SHQ1: variants seen among roughly 807,000 people sequenced by gnomAD.
SHQ1 encodes SHQ1, H/ACA ribonucleoprotein assembly factor, also known as protein SHQ1 homolog.
In SHQ1, 49 loss-of-function variants were observed where a neutral mutation model predicts 53.8. The observed-to-expected ratio is 0.91, with a 90% CI of 0.72 to 1.16. The LOEUF is 1.16. SHQ1 is among the 50% of genes most tolerant of loss of function. The pLI is 0.00. For missense variants in SHQ1, 738 were observed against 683.1 expected, an observed-to-expected ratio of 1.08 and a Z score of -0.90; for synonymous variants, 243 against 251.0, an observed-to-expected ratio of 0.97 and a Z score of 0.30.
At chr3:72,759,166 A>C (rs757827779) in intron 10 of SHQ1, among the ~76,000 whole-genome samples, 12 of 152,288 alleles carry the variant, frequency 7.9e-5, no homozygotes, top group Non-Finnish European at 1.5e-4. Flanking sequence ...CCTCATCTTA[A>C]CTAATTACAT....
At chr3:72,727,468 G>A in the SHQ1 span, among the ~76,000 whole-genome samples, 1 of 152,160 alleles carries the variant, frequency 6.6e-6, no homozygotes, top group African/African-American at 2.4e-5. Context: ...AAGACAAAGG[G>A]GAGGAAGAGA....
chr3:72,815,285 T>C, intron 8 of SHQ1, 65 bp downstream of exon 8: 2 of 1,346,874 alleles, frequency 1.5e-6, no homozygotes, highest in South Asian at 1.2e-5. Context: ...CCCCAAATGA[T>C]GTAAAAACAA....
intron 5 of SHQ1, among the ~76,000 whole-genome samples, chr3:72,828,955 A>C (rs528099932): frequency 1.3e-5 from 2 of 152,254 alleles, no homozygotes; most frequent in South Asian, 2.1e-4. Context: ...GATCTGAAGA[A>C]GTCCAGACTA....
intron 10 of SHQ1, among the ~76,000 whole-genome samples, chr3:72,755,040 G>C (rs1705470538): frequency 6.6e-6 from 1 of 152,044 alleles, no homozygotes; most frequent in African/African-American, 2.4e-5. Flanking sequence ...TAGAATCCTG[G>C]CTCTTCTCAG....
downstream of SHQ1, among the ~76,000 whole-genome samples, chr3:72,746,661 T>C (rs904617678): frequency 2.0e-5 from 3 of 152,158 alleles, no homozygotes; most frequent in African/African-American, 7.2e-5. Flanking sequence ...AAGGATCATG[T>C]TTGCTCATTC....
At chr3:72,800,103 CAT>C (rs1706739630) in intron 9 of SHQ1, among the ~76,000 whole-genome samples, 1 of 152,152 alleles carries the variant, frequency 6.6e-6, no homozygotes, top group Non-Finnish European at 1.5e-5. Context: ...GCTCTACCCT[CAT>C]GAATGTTAAC....
intron 1 of SHQ1, chr3:72,846,203 A>G (rs576265655): frequency 2.0e-5 from 31 of 1,535,286 alleles, no homozygotes; most frequent in African/African-American, 1.1e-4. Context: ...AGAGAAAATT[A>G]TATTTGCTTA....
chr3:72,750,428 C>A lies in SHQ1; in HGVS notation c.1590G>T (p.Trp530Cys). The change falls in exon 11 of 11, where the codon TGG (tryptophan) becomes TGT (cysteine). Residue 530 changes from tryptophan (W) to cysteine (C), a missense_variant. Coordinates refer to ENST00000325599, the MANE Select transcript of SHQ1 (RefSeq NM_018130.3). ...TCAGAGGCCCAGACACTCCAAGAGG[C>A]CAGGAAGAGGCAAGTGGCTTTCCCT... ...ASQGKPLASS[W>C]PLGVSGPLIE... The A allele has an allele frequency of 6.2e-7, 1 of 1,614,166 alleles. No homozygotes were observed. The highest frequency in any genetic ancestry group is 1.1e-5 in the South Asian group (1 of 91,084).
intron 10 of SHQ1, among the ~76,000 whole-genome samples, chr3:72,787,293 C>G (rs1353303281): frequency 6.6e-6 from 1 of 151,826 alleles, no homozygotes; most frequent in African/African-American, 2.4e-5. Flanking sequence ...TTCTTTTTCC[C>G]CAGAACTACC....
chr3:72,787,563 T>C (rs1706272029), intron 10 of SHQ1, among the ~76,000 whole-genome samples: 1 of 152,208 alleles, frequency 6.6e-6, no homozygotes, highest in Admixed American at 6.5e-5. Context: ...GAGGAATAAA[T>C]TAGTTACTTA....
chr3:72,785,132 T>C (rs1324828689), intron 10 of SHQ1, among the ~76,000 whole-genome samples: 2 of 152,248 alleles, frequency 1.3e-5, no homozygotes, highest in East Asian at 3.8e-4. Flanking sequence ...ATCCTCCATG[T>C]GCAGTGAGAG....
At chr3:72,833,282 A>T (rs1281018135) in intron 4 of SHQ1, among the ~76,000 whole-genome samples, 1 of 152,078 alleles carries the variant, frequency 6.6e-6, no homozygotes, top group Non-Finnish European at 1.5e-5. Context: ...CTCCACAAAA[A>T]ATACAAAAAT....
At chr3:72,737,039 G>A in the SHQ1 span, among the ~76,000 whole-genome samples, 1 of 152,056 alleles carries the variant, frequency 6.6e-6, no homozygotes, top group African/African-American at 2.4e-5. Context: ...GGAGGCTGAG[G>A]TGGGTGGATT....
At chr3:72,802,621 C>G (rs1706822688) in intron 9 of SHQ1, among the ~76,000 whole-genome samples, 1 of 151,832 alleles carries the variant, frequency 6.6e-6, no homozygotes, top group Admixed American at 6.6e-5. Context: ...ATTTTTTTGC[C>G]TTCTACTTTC....
the SHQ1 span, among the ~76,000 whole-genome samples, chr3:72,732,327 A>G: frequency 6.7e-6 from 1 of 149,562 alleles, no homozygotes; most frequent in African/African-American, 2.5e-5. Context: ...CTGGACCTTC[A>G]GTCATGCAAG....
At chr3:72,806,986 A>C (rs9841398) in intron 9 of SHQ1, among the ~76,000 whole-genome samples, 1,748 of 152,200 alleles carry the variant, frequency 0.011, 34 homozygotes, top group African/African-American at 0.041. Flanking sequence ...CATCTAAATT[A>C]TTTTTCTAGT....
intron 6 of SHQ1, among the ~76,000 whole-genome samples, chr3:72,818,534 C>T (rs1344513798): frequency 2.0e-5 from 3 of 152,156 alleles, no homozygotes; most frequent in African/African-American, 7.2e-5. Context: ...ACATACCTCC[C>T]ACCTCCCCCT....
At chr3:72,847,347 G>A (rs1044617990) in intron 1 of SHQ1, among the ~76,000 whole-genome samples, 2 of 152,132 alleles carry the variant, frequency 1.3e-5, no homozygotes, top group Non-Finnish European at 2.9e-5. Context: ...AAGATTAGGA[G>A]GATGGATAAA....
At chr3:72,726,926 A>G in the SHQ1 span, among the ~76,000 whole-genome samples, 2 of 152,174 alleles carry the variant, frequency 1.3e-5, no homozygotes, top group Admixed American at 1.3e-4. Flanking sequence ...AAAATCGTAA[A>G]GGGTAACTGG....
Sources: allele counts gnomAD v4.1 joint callset (sites outside exome capture counted in the v4.1 genomes callset), GRCh38; gene constraint gnomAD v4.1.1; transcripts MANE v1.5; gene names NCBI Gene and HGNC (gene_info 2026-07-23, HGNC 2026-07-21).